TBCK: variants seen among roughly 807,000 people sequenced by gnomAD.
TBCK encodes the protein TBC1 domain containing kinase, also known as TBC domain-containing protein kinase-like protein.
In TBCK, 99 loss-of-function variants were observed where a neutral mutation model predicts 113.4. The observed-to-expected ratio is 0.87, with a 90% CI of 0.74 to 1.03. The LOEUF (loss-of-function observed/expected upper bound fraction) is 1.03. TBCK is among the 50% of genes least tolerant of loss of function. The pLI, the probability that TBCK is intolerant of heterozygous loss-of-function variation, is 0.00. For synonymous variants in TBCK, 369 were observed against 370.8 expected, an observed-to-expected ratio of 1.00 and a Z score of 0.05; for missense variants, 1,045 against 1,061.3, an observed-to-expected ratio of 0.98 and a Z score of 0.21.
chr4:106,056,924 T>TAC (rs1423364502), intron 25 of TBCK, among the ~76,000 whole-genome samples: 1 of 151,774 alleles, frequency 6.6e-6, no homozygotes, highest in Non-Finnish European at 1.5e-5. Context: ...ACAAATTCAT[T>TAC]ACACACACAC....
intron 3 of TBCK, among the ~76,000 whole-genome samples, chr4:106,291,678 G>A (rs566772094): frequency 9.8e-5 from 15 of 152,340 alleles, no homozygotes; most frequent in African/African-American, 2.6e-4. Flanking sequence ...CATTCTTAGC[G>A]ACTAACTACA....
At chr4:106,205,865 T>C in intron 20 of TBCK, among the ~76,000 whole-genome samples, 1 of 152,004 alleles carries the variant, frequency 6.6e-6, no homozygotes, top group South Asian at 2.1e-4. Context: ...AGGTCACATT[T>C]TCTTCATATA....
At chr4:106,202,668 T>G (rs925858086) in intron 20 of TBCK, among the ~76,000 whole-genome samples, 2 of 152,058 alleles carry the variant, frequency 1.3e-5, no homozygotes, top group African/African-American at 4.8e-5. Context: ...TCAAGTCAAA[T>G]GGTAAAATTA....
intron 20 of TBCK, among the ~76,000 whole-genome samples, chr4:106,198,267 T>G (rs894600639): frequency 6.6e-6 from 1 of 152,176 alleles, no homozygotes; most frequent in Non-Finnish European, 1.5e-5. Context: ...CTTAACTATG[T>G]CATAGAGATG....
chr4:106,295,268 C>A (rs1380999929), intron 2 of TBCK, 102 bp from the exon 3 acceptor site: 5 of 905,406 alleles, frequency 5.5e-6, no homozygotes, highest in Admixed American at 2.5e-5. Flanking sequence ...ACACCCATAA[C>A]AATATTTTAA....
intron 19 of TBCK, among the ~76,000 whole-genome samples, chr4:106,225,327 A>G (rs1308927259): frequency 6.6e-6 from 1 of 152,246 alleles, no homozygotes; most frequent in East Asian, 1.9e-4. Flanking sequence ...TATAGAAATC[A>G]TAACTGAGGA....
At chr4:106,231,418 T>A (rs184417054) in intron 18 of TBCK, among the ~76,000 whole-genome samples, 22 of 151,894 alleles carry the variant, frequency 1.4e-4, no homozygotes, top group Non-Finnish European at 8.9e-5. Flanking sequence ...TGCAAGGTTA[T>A]GGAAAAGTGC....
Position 106,171,089 on chromosome 4 carries a change from A to G in TBCK, c.2235+6T>C. 1 of 1,581,956 alleles carries G rather than the reference A, an allele frequency of 6.3e-7. No individual in the cohort carries two copies. Among genetic ancestry groups the G allele is most frequent in the Non-Finnish European group, 8.6e-7 (1 of 1,167,862 alleles). On this transcript the variant is annotated splice_donor_region_variant and intron_variant, in intron 23 of 25. Transcript: ENST00000394708. ...GAGTTTGTAAACTAAATCCGCAAAT[A>G]CATACCAGATCTGTCTTTGGAGGAT...
chr4:106,238,289 A>T (rs1338115272), intron 12 of TBCK, among the ~76,000 whole-genome samples: 1 of 152,146 alleles, frequency 6.6e-6, no homozygotes, highest in Non-Finnish European at 1.5e-5. Flanking sequence ...GAATAGTTAT[A>T]TATTTTAATT....
intron 25 of TBCK, 58 bp from the exon 26 acceptor site, chr4:106,046,738 A>ATGTT: frequency 2.5e-6 from 2 of 800,910 alleles, no homozygotes; most frequent in Admixed American, 2.5e-5. Flanking sequence ...CTCCAACCTC[A>ATGTT]TGTTTTTTCT....
intron 3 of TBCK, among the ~76,000 whole-genome samples, chr4:106,271,971 G>T (rs1763534246): frequency 2.6e-5 from 4 of 152,034 alleles, no homozygotes; most frequent in Admixed American, 2.6e-4. Flanking sequence ...TAGTATCTAA[G>T]ATGAGTCCCA....
chr4:106,212,741 A>G lies in TBCK; in HGVS notation c.1860+9T>C, dbSNP rs1429358552. On this transcript the variant is annotated intron_variant, in intron 20 of 25. Coordinates refer to ENST00000394708, the MANE Select transcript of TBCK (RefSeq NM_001163435.3). ...AACCACATGTTCTATTAATGCACCA[A>G]GTACTTACATCTGGAATGAAACCAA... is the stretch of plus-strand genomic sequence containing the variant. The G allele has an allele frequency of 6.3e-7, 1 of 1,581,548 alleles. No homozygotes were observed. Among genetic ancestry groups the G allele is most frequent in the Non-Finnish European group, 8.7e-7 (1 of 1,154,646 alleles).
Position 106,042,983 on chromosome 4 carries a change from A to T in TBCK, c.*3587T>A, listed in dbSNP as rs1353673321. ...TCCTTGAGACGGTCACTTCATAAAG[A>T]GGTCTTAATTAGAACTCCCACCCAT... On this transcript the variant is annotated 3_prime_UTR_variant, in exon 26 of 26. Coordinates refer to ENST00000394708, the MANE Select transcript of TBCK (RefSeq NM_001163435.3). 1 of 152,178 alleles carries T rather than the reference A, an allele frequency of 6.6e-6. No homozygotes were observed. The highest frequency in any genetic ancestry group is 2.4e-5 in the African/African-American group (1 of 41,450). 9.4% of individuals were successfully genotyped at this position (152,178 alleles called of 1,614,324 possible).
chr4:106,188,513 G>C (rs1360082057), intron 22 of TBCK, among the ~76,000 whole-genome samples: 1 of 152,016 alleles, frequency 6.6e-6, no homozygotes, highest in Non-Finnish European at 1.5e-5. Context: ...TAAACTATAA[G>C]ATAATTTTTG....
At chr4:106,248,785 C>T (rs962879710) in intron 8 of TBCK, 136 bp downstream of exon 8, 13 of 648,940 alleles carry the variant, frequency 2.0e-5, no homozygotes, top group South Asian at 9.0e-5. Flanking sequence ...GACGACCAAA[C>T]GTACTGGTGC....
chr4:106,109,385 C>T (rs1742556044), intron 24 of TBCK, among the ~76,000 whole-genome samples: 1 of 152,066 alleles, frequency 6.6e-6, no homozygotes, highest in Non-Finnish European at 1.5e-5. Context: ...CACTATAAGG[C>T]CACAGTAACC....
At chr4:106,286,195 C>A (rs1765089716) in intron 3 of TBCK, among the ~76,000 whole-genome samples, 2 of 152,050 alleles carry the variant, frequency 1.3e-5, no homozygotes. Flanking sequence ...AATGGAAAGA[C>A]CTGTTAAGGC....
chr4:106,090,819 C>T (rs1740135274), intron 25 of TBCK, among the ~76,000 whole-genome samples: 1 of 152,310 alleles, frequency 6.6e-6, no homozygotes, highest in South Asian at 2.1e-4. Flanking sequence ...ATAACTCTCT[C>T]ATTTCCACCT....
rs1269286463 is a variant in TBCK at position 106,179,768 on chromosome 4, T to A, written c.2060-8498A>T. Among the ~76,000 whole-genome samples, 3 of 152,214 alleles carry A rather than the reference T, an allele frequency of 2.0e-5. No homozygotes were observed. The East Asian group carries it at 5.8e-4, about 29-fold the overall frequency. On this transcript the variant is annotated intron_variant, in intron 22 of 25. Coordinates refer to ENST00000394708, the MANE Select transcript of TBCK (RefSeq NM_001163435.3). ...TCTGTTAGGTCCATTTGGTCTACAG[T>A]ACAGTTTAACTCCAGTGTTTCTGTG...
Sources: gnomAD v4.1 joint callset for allele counts (sites outside exome capture counted in the v4.1 genomes callset) on GRCh38, gnomAD v4.1.1 for gene constraint, MANE v1.5 for transcripts, NCBI Gene and HGNC (gene_info 2026-07-23, HGNC 2026-07-21) for gene names.